The following HUWE1 variants were observed in gnomAD, a reference collection of about 807,000 sequenced individuals.
The protein encoded by HUWE1 is HECT, UBA and WWE domain containing E3 ubiquitin protein ligase 1, also known as E3 ubiquitin-protein ligase HUWE1.
HUWE1 carries 18 observed loss-of-function variants against 299.4 expected under a neutral mutation model. The observed-to-expected ratio is 0.06, with a 90% CI of 0.04 to 0.09. The LOEUF (loss-of-function observed/expected upper bound fraction) is 0.09, where lower values mean the gene tolerates loss of function less well. Ranked by LOEUF, HUWE1 falls within the 10% of genes least tolerant of loss-of-function variation. HUWE1 has a pLI of 1.00. For missense variants in HUWE1, 1,832 were observed against 3,462.3 expected (o/e 0.53, Z 11.82); for synonymous variants, 1,317 against 1,286.1 (o/e 1.02, Z -0.51).
Position 53,588,563 on chromosome X carries a change from C to T in HUWE1, c.4462-29G>A, listed in dbSNP as rs372353800. 2.6e-5 allele frequency: 31 copies of T among 1,179,948 alleles called. No individual in the cohort carries two copies. In the South Asian group the frequency reaches 5.0e-4, roughly 19 times the overall value. ...GAAAAGCAAAAAAAGGGTTAAGTCA[C>T]GGAACCGCAGAGCAAGATGAGGTTT... On this transcript the variant is annotated intron_variant, in intron 36 of 83. Transcript: ENST00000262854.
intron 23 of HUWE1, among the ~76,000 whole-genome samples, chrX:53,612,409 G>A (rs1178535048): frequency 8.9e-6 from 1 of 111,780 alleles, no homozygotes. Context: ...ATGCTACTGG[G>A]TTTATATTTC....
At chrX:53,635,415 G>A (rs1033523133) in intron 7 of HUWE1, among the ~76,000 whole-genome samples, 1 of 110,680 alleles carries the variant, frequency 9.0e-6, no homozygotes, top group East Asian at 2.8e-4. Context: ...AATTCCTGGG[G>A]TCAAAGGATC....
chrX:53,542,027 A>T (rs1556918965), intron 74 of HUWE1, among the ~76,000 whole-genome samples: 1 of 111,401 alleles, frequency 9.0e-6, no homozygotes, highest in Non-Finnish European at 1.9e-5. Flanking sequence ...TAAAAAAAAT[A>T]CAAAAACTAG....
rs1207646883 is a variant in HUWE1, at chrX:53,533,013, TCAAA to T, written c.*292_*295del. The stretch of plus-strand genomic sequence containing the variant: ...ACACAGAATCTGAGGAGCACACTGT[TCAAA>T]CAGTTGGGACAGACAGGTCCCTGCA... On this transcript the variant is annotated 3_prime_UTR_variant, in exon 84 of 84. Coordinates refer to ENST00000262854, the MANE Select transcript of HUWE1 (RefSeq NM_031407.7). 1 of 299,713 alleles carries T rather than the reference TCAAA, an allele frequency of 3.3e-6. No individual in the cohort carries two copies. The highest frequency in any genetic ancestry group is 6.1e-5 in the East Asian group (1 of 16,389). 24.7% of individuals were successfully genotyped at this position (299,713 alleles called of 1,213,427 possible).
At chrX:53,594,679 T>C (rs984532197) in intron 30 of HUWE1, 58 bp from the exon 31 acceptor site, 71 of 1,153,373 alleles carry the variant, frequency 6.2e-5, no homozygotes, top group Non-Finnish European at 8.0e-5. Flanking sequence ...ACAGAAGCAA[T>C]AGGAAATTCA....
chrX:53,586,676 A>G lies in HUWE1; in HGVS notation c.4743-105T>C, dbSNP rs782216955. 6.0e-5 allele frequency: 65 copies of G among 1,088,815 alleles called. No homozygotes were observed. The South Asian group carries it at 1.2e-3, about 21-fold the overall frequency. 89.7% of individuals were successfully genotyped at this position (1,088,815 alleles called of 1,213,427 possible). ...GCTTCCTTTATAATTTTAAAACTAC[A>G]GAAGTACCACAAATTTGCCCCATAC... is the stretch of plus-strand genomic sequence containing the variant. On this transcript the variant is annotated intron_variant, in intron 38 of 83. Coordinates refer to ENST00000262854, the MANE Select transcript of HUWE1 (RefSeq NM_031407.7).
intron 22 of HUWE1, among the ~76,000 whole-genome samples, chrX:53,615,027 T>C (rs2065716088): frequency 2.1e-5 from 2 of 94,586 alleles, no homozygotes; most frequent in African/African-American, 8.5e-5. Context: ...GGAACTTATA[T>C]ACCAATTTCA....
At chrX:53,628,160 T>G (rs1232622682) in intron 15 of HUWE1, among the ~76,000 whole-genome samples, 2 of 111,308 alleles carry the variant, frequency 1.8e-5, no homozygotes, top group African/African-American at 6.5e-5. Context: ...AGGCTATTAC[T>G]ACTACAACAC....
At chrX:53,621,371 G>C (rs2066135771) in intron 19 of HUWE1, among the ~76,000 whole-genome samples, 1 of 109,907 alleles carries the variant, frequency 9.1e-6, no homozygotes, top group African/African-American at 3.3e-5. Context: ...TTGTTTAGGG[G>C]TAATCAGTGC....
At chrX:53,544,382 C>T (rs1427545545) in intron 72 of HUWE1, among the ~76,000 whole-genome samples, 178 bp downstream of exon 72, 11 of 111,061 alleles carry the variant, frequency 9.9e-5, no homozygotes, top group African/African-American at 2.6e-4. Flanking sequence ...GAATTTCCTA[C>T]GCAGATAGCT....
At chrX:53,615,296 T>TGGC (rs1445948609) in intron 22 of HUWE1, among the ~76,000 whole-genome samples, 1 of 109,826 alleles carries the variant, frequency 9.1e-6, no homozygotes, top group East Asian at 2.8e-4. Context: ...GGCATGATCT[T>TGGC]GGCTCACTAC....
intron 3 of HUWE1, among the ~76,000 whole-genome samples, chrX:53,674,667 T>C (rs2069723480): frequency 1.8e-5 from 2 of 112,121 alleles, no homozygotes; most frequent in South Asian, 7.4e-4. Flanking sequence ...TGCCTTCTTG[T>C]AAACTGCTAT....
rs2060818969 is a variant in HUWE1, at chrX:53,532,546, A to G, written c.*763T>C. 1 of 107,318 alleles carries G rather than the reference A, an allele frequency of 9.3e-6. No homozygotes were observed. The highest frequency in any genetic ancestry group is 1.9e-5 in the Non-Finnish European group (1 of 52,089). The allele number at this position is 107,318 out of a possible 1,213,427, so 8.8% of individuals were successfully genotyped here. ...TAACACCATCACCATCCCCAAGTGC[A>G]GCTCCCATTCTAAAAAAAAAAAACA... is the stretch of plus-strand genomic sequence containing the variant. On this transcript the variant is annotated 3_prime_UTR_variant, in exon 84 of 84. Coordinates refer to ENST00000262854, the MANE Select transcript of HUWE1 (RefSeq NM_031407.7).
intron 49 of HUWE1, among the ~76,000 whole-genome samples, chrX:53,566,566 C>T (rs2062585194): frequency 9.0e-6 from 1 of 111,319 alleles, no homozygotes; most frequent in African/African-American, 3.3e-5. Flanking sequence ...AAACCACCCT[C>T]CCACCTCAGC....
At chrX:53,665,718 G>C (rs1252264428) in intron 3 of HUWE1, among the ~76,000 whole-genome samples, 1 of 112,376 alleles carries the variant, frequency 8.9e-6, no homozygotes, top group African/African-American at 3.2e-5. Flanking sequence ...GCCCTTCTTG[G>C]TATTCTCAAC....
intron 21 of HUWE1, among the ~76,000 whole-genome samples, chrX:53,616,396 C>G (rs782337479): frequency 9.0e-6 from 1 of 111,620 alleles, no homozygotes. Flanking sequence ...CTGTCAAGAT[C>G]TAAACTAGTA....
intron 23 of HUWE1, among the ~76,000 whole-genome samples, chrX:53,612,361 T>C (rs1224745753): frequency 1.8e-5 from 2 of 112,197 alleles, no homozygotes; most frequent in Admixed American, 9.4e-5. Context: ...CTCTGCATCT[T>C]AGAAGTTACA....
chrX:53,562,544 C>T (rs1390901761), intron 53 of HUWE1, among the ~76,000 whole-genome samples: 1 of 111,665 alleles, frequency 9.0e-6, no homozygotes, highest in South Asian at 3.8e-4. Context: ...TTCAGCCCTA[C>T]TTTGCTATTG....
chrX:53,636,477 C>G (rs1026301958), intron 7 of HUWE1, among the ~76,000 whole-genome samples: 2 of 112,625 alleles, frequency 1.8e-5, no homozygotes, highest in African/African-American at 6.5e-5. Flanking sequence ...CAGCACTCAG[C>G]CAGTGGGAGC....
Sources: gnomAD v4.1 joint callset for allele counts (sites outside exome capture counted in the v4.1 genomes callset) on GRCh38, gnomAD v4.1.1 for gene constraint, MANE v1.5 for transcripts, NCBI Gene and HGNC (gene_info 2026-07-23, HGNC 2026-07-21) for gene names.